PUS7: variants seen among roughly 807,000 people sequenced by gnomAD.
The protein encoded by PUS7 is pseudouridine synthase 7.
PUS7 carries 48 observed loss-of-function variants against 79.8 expected under a neutral mutation model. The observed-to-expected ratio is 0.60, with a 90% confidence interval of 0.48 to 0.76. The LOEUF (loss-of-function observed/expected upper bound fraction) is 0.76, where lower values mean the gene tolerates loss of function less well. Ranked by LOEUF, PUS7 falls within the 30% of genes least tolerant of loss-of-function variation. The pLI is 0.00. For synonymous variants in PUS7, 286 were observed against 272.2 expected, an observed-to-expected ratio of 1.05 and a Z score of -0.50; for missense variants, 729 against 797.6, an observed-to-expected ratio of 0.91 and a Z score of 1.04.
intron 5 of PUS7, among the ~76,000 whole-genome samples, chr7:105,496,089 G>A (rs1458079586): frequency 4.0e-5 from 6 of 151,556 alleles, no homozygotes; most frequent in African/African-American, 1.5e-4. Flanking sequence ...GAACCCAGGA[G>A]GTGGAGGTTA....
intron 7 of PUS7, 26 bp from the exon 8 acceptor site, chr7:105,482,466 A>G (rs1191382266): frequency 6.4e-7 from 1 of 1,566,912 alleles, no homozygotes; most frequent in Admixed American, 1.9e-5. Flanking sequence ...AAAAAGCAAC[A>G]AAACAAAAAA....
chr7:105,513,697 G>T (rs914937697), intron 1 of PUS7, among the ~76,000 whole-genome samples: 5 of 148,070 alleles, frequency 3.4e-5, no homozygotes, highest in African/African-American at 1.2e-4. Flanking sequence ...AATTAGCCGG[G>T]TGTGGTGGCA....
intron 9 of PUS7, among the ~76,000 whole-genome samples, chr7:105,478,064 C>T (rs1191794969): frequency 6.6e-6 from 1 of 152,126 alleles, no homozygotes; most frequent in Non-Finnish European, 1.5e-5. Context: ...CCGCCTTGGC[C>T]TCTTAAATTG....
chr7:105,494,643 C>T (rs578124382), intron 6 of PUS7, among the ~76,000 whole-genome samples: 6 of 152,022 alleles, frequency 3.9e-5, no homozygotes, highest in African/African-American at 1.4e-4. Flanking sequence ...CTCTTGACCT[C>T]GTGATCTGCC....
At position 105,491,462 on chromosome 7, in the gene PUS7, C is replaced by T. The variant is rs1824776474; in HGVS notation, c.920+78G>A. The T allele has an allele frequency of 1.6e-5, 15 of 923,536 alleles. No homozygotes were observed. In the South Asian group the frequency reaches 2.5e-4, roughly 15 times the overall value. 57.2% of individuals were successfully genotyped at this position (923,536 alleles called of 1,614,324 possible). ...CCATCTAAAGCTGAGAGAGAAACCC[C>T]CAAAGTAAATTTGAGAATTCTGAAA... is the stretch of plus-strand genomic sequence containing the variant. On this transcript the variant is annotated intron_variant, in intron 7 of 15. Coordinates refer to ENST00000469408, the MANE Select transcript of PUS7 (RefSeq NM_019042.5).
At chr7:105,476,588 C>A (rs2133108040) in intron 9 of PUS7, among the ~76,000 whole-genome samples, 1 of 152,196 alleles carries the variant, frequency 6.6e-6, no homozygotes, top group East Asian at 1.9e-4. Flanking sequence ...GATCTCTTGA[C>A]CTCGTGATCT....
intron 1 of PUS7, among the ~76,000 whole-genome samples, chr7:105,512,732 G>A (rs1825749167): frequency 6.6e-6 from 1 of 152,176 alleles, no homozygotes; most frequent in South Asian, 2.1e-4. Context: ...GACCAGCACT[G>A]AATTTGTAAT....
intron 2 of PUS7, among the ~76,000 whole-genome samples, 189 bp from the exon 3 acceptor site, chr7:105,506,462 G>A (rs1478203935): frequency 2.8e-5 from 4 of 145,084 alleles, no homozygotes; most frequent in Non-Finnish European, 6.0e-5. Context: ...TTGCTCTGTT[G>A]CCTAGGCTGG....
At position 105,491,542 on chromosome 7, in the gene PUS7, G is replaced by A. The variant is rs755709908; in HGVS notation, c.918C>T (p.Leu306=). 12 of 1,575,356 alleles carry A rather than the reference G, an allele frequency of 7.6e-6. No homozygotes were observed. The highest frequency in any genetic ancestry group is 1.0e-5 in the Non-Finnish European group (12 of 1,147,072). ...RAITVQEIAV[L]KITAQRLAHL... is the part of the protein sequence containing the mutation. Reference sequence around the variant, plus strand: ...CCTGTTACGTGCTCTCTACTTACTTGAGAACAGCAATTTCTTGAACTGTTA... The same window carrying A: ...CCTGTTACGTGCTCTCTACTTACTTAAGAACAGCAATTTCTTGAACTGTTA... The change falls in exon 7 of 16, where the codon CTC becomes CTT. Residue 306 remains leucine (L), a splice_region_variant and synonymous_variant. Transcript: ENST00000469408.
rs1434966364 is a variant in PUS7 at position 105,457,182 on chromosome 7, G to A, written c.*608C>T. On this transcript the variant is annotated 3_prime_UTR_variant, in exon 16 of 16. Transcript: ENST00000469408. ...AATAAAATGGGCCTATCAATGCAAC[G>A]TTCCTGCAAGGCATTGATAATATAA... 2 of 152,028 alleles carry A rather than the reference G, an allele frequency of 1.3e-5. No homozygotes were observed. The highest frequency in any genetic ancestry group is 1.9e-4 in the East Asian group (1 of 5,192). The allele number at this position is 152,028 out of a possible 1,614,324, so 9.4% of individuals were successfully genotyped here.
At chr7:105,464,834 T>C (rs986915949) in intron 13 of PUS7, among the ~76,000 whole-genome samples, 13 of 121,084 alleles carry the variant, frequency 1.1e-4, no homozygotes, top group East Asian at 2.3e-4. Context: ...TTTTTTTTTT[T>C]CTGAGACAGA....
At chr7:105,512,951 A>G (rs1020711847) in intron 1 of PUS7, among the ~76,000 whole-genome samples, 9 of 152,324 alleles carry the variant, frequency 5.9e-5, no homozygotes, top group African/African-American at 2.2e-4. Context: ...GAAAGGGGAA[A>G]TACTTCAGGA....
At chr7:105,501,967 AAAAT>A (rs1444502253) in intron 5 of PUS7, among the ~76,000 whole-genome samples, 120 of 99,582 alleles carry the variant, frequency 1.2e-3, no homozygotes, top group African/African-American at 3.6e-3. Context: ...AAAAAAAAAA[AAAAT>A]ATATATATAT....
At position 105,513,396 on chromosome 7, in the gene PUS7, T is replaced by G. The variant is rs542728441; in HGVS notation, c.-32-4852A>C. 2.6e-5 allele frequency among the ~76,000 whole-genome samples: 4 copies of G among 152,360 alleles called. No individual in the cohort carries two copies. The South Asian group carries it at 8.3e-4, about 32-fold the overall frequency. ...CTCTCAACAATCTTGGAGACAGATC[T>G]AGGTTTTGCCATTTACTAAGTGGGT... On this transcript the variant is annotated intron_variant, in intron 1 of 15. Coordinates refer to ENST00000469408, the MANE Select transcript of PUS7 (RefSeq NM_019042.5).
chr7:105,484,937 A>G (rs1824484405), intron 7 of PUS7, among the ~76,000 whole-genome samples: 1 of 140,182 alleles, frequency 7.1e-6, no homozygotes, highest in South Asian at 2.2e-4. Context: ...ATCTCAGCTC[A>G]CTGCCACCTC....
chr7:105,471,158 T>C (rs1823858625), intron 10 of PUS7, among the ~76,000 whole-genome samples: 1 of 152,232 alleles, frequency 6.6e-6, no homozygotes, highest in African/African-American at 2.4e-5. Flanking sequence ...TCCATTGTAA[T>C]GTCAAGTTTA....
At chr7:105,488,549 G>A (rs572864034) in intron 7 of PUS7, among the ~76,000 whole-genome samples, 25 of 152,306 alleles carry the variant, frequency 1.6e-4, no homozygotes, top group Non-Finnish European at 2.6e-4. Context: ...TGTGTGCCAA[G>A]ATTTAGCTAC....
At chr7:105,494,721 T>G (rs1266204425) in intron 6 of PUS7, among the ~76,000 whole-genome samples, 4 of 152,042 alleles carry the variant, frequency 2.6e-5, no homozygotes, top group Non-Finnish European at 4.4e-5. Context: ...CGGCAATTCT[T>G]AATCCCAGTA....
At chr7:105,470,156 A>C (rs1038820327) in intron 11 of PUS7, 1 of 152,194 alleles carries the variant, frequency 6.6e-6, no homozygotes, top group Admixed American at 6.5e-5. Flanking sequence ...TGCATCTAGG[A>C]AAAGTAAGAC....
Sources: gnomAD v4.1 joint callset for allele counts (sites outside exome capture counted in the v4.1 genomes callset) on GRCh38, gnomAD v4.1.1 for gene constraint, MANE v1.5 for transcripts, NCBI Gene and HGNC (gene_info 2026-07-23, HGNC 2026-07-21) for gene names.